MTARC2: variants seen among roughly 807,000 people sequenced by gnomAD.
MTARC2 encodes the protein MOCO sulphurase C-terminal domain containing 2.
In MTARC2, 27 loss-of-function variants were observed where a neutral mutation model predicts 35.6. That is an observed-to-expected ratio of 0.76 (90% confidence interval 0.56 to 1.04). MTARC2 has a LOEUF of 1.04. Among genes scored for constraint, MTARC2 ranks in the 50% least tolerant of loss-of-function variants. The pLI, the probability that MTARC2 is intolerant of heterozygous loss-of-function variation, is 0.00. For missense variants in MTARC2, 412 were observed against 432.5 expected (o/e 0.95, Z 0.42); for synonymous variants, 158 against 167.1 (o/e 0.95, Z 0.42).
intron 7 of MTARC2, among the ~76,000 whole-genome samples, chr1:220,782,215 C>G (rs1982895): frequency 6.6e-6 from 1 of 152,142 alleles, no homozygotes; most frequent in Non-Finnish European, 1.5e-5. Flanking sequence ...TACAGAATAT[C>G]ATTAAGGAAT....
chr1:220,770,683 C>A, intron 4 of MTARC2: 1 of 542,434 alleles, frequency 1.8e-6, no homozygotes, highest in Non-Finnish European at 2.3e-6. Context: ...CAGGCTACTG[C>A]CTTTGGGAAT....
chr1:220,769,782 A>G (rs1481090450), intron 4 of MTARC2, among the ~76,000 whole-genome samples: 1 of 150,648 alleles, frequency 6.6e-6, no homozygotes, highest in African/African-American at 2.4e-5. Flanking sequence ...GTGGTCGGTA[A>G]AGGCACTTTT....
intron 4 of MTARC2, among the ~76,000 whole-genome samples, chr1:220,778,819 G>A (rs1671989344): frequency 6.6e-6 from 1 of 152,114 alleles, no homozygotes; most frequent in African/African-American, 2.4e-5. Context: ...ATACCAGAAG[G>A]AAAGTGTCAT....
At chr1:220,770,634 G>A in intron 4 of MTARC2, 3 of 900,326 alleles carry the variant, frequency 3.3e-6, no homozygotes, top group Non-Finnish European at 4.0e-6. Flanking sequence ...GTGAGTCACT[G>A]CATGGACAAA....
intron 4 of MTARC2, among the ~76,000 whole-genome samples, chr1:220,771,296 C>CAAAA (rs57776178): frequency 0.014 from 807 of 56,988 alleles, 89 homozygotes; most frequent in African/African-American, 0.048. Context: ...GAGACTGTCT[C>CAAAA]AAAAAAAAAA....
rs1281103448 is a variant in MTARC2, at chr1:220,748,572, T to C, written c.41T>C (p.Leu14Pro). Residue 14 changes from leucine to proline, a missense_variant, in exon 1 of 8, where the codon CTC (leucine) becomes CCC (proline). Leu to Pro is a moderately conservative substitution (Grantham distance 98). Transcript: ENST00000366913. ...TCCTCCGCGCTGGCCCGCCTCGGCCTCCCAGCCCGGCCCTGGCCCAGGTGG... is the reference window on the plus strand; with the variant it reads ...TCCTCCGCGCTGGCCCGCCTCGGCCCCCCAGCCCGGCCCTGGCCCAGGTGG... ...SSSSALARLG[L>P]PARPWPRWLG... is the part of the protein sequence containing the mutation. The C allele has an allele frequency of 1.4e-6, 2 of 1,446,202 alleles. No homozygotes were observed. Among genetic ancestry groups the C allele is most frequent in the South Asian group, 1.4e-5 (1 of 72,072 alleles). The allele number at this position is 1,446,202 out of a possible 1,614,324, so 89.6% of individuals were successfully genotyped here.
intron 1 of MTARC2, 115 bp downstream of exon 1, chr1:220,748,918 C>T (rs1270869104): frequency 7.7e-7 from 1 of 1,296,006 alleles, no homozygotes; most frequent in East Asian, 3.1e-5. Context: ...ACCTGAGTTT[C>T]TGGGCTGACT....
chr1:220,770,213 A>G (rs889479669), intron 4 of MTARC2, among the ~76,000 whole-genome samples: 1 of 152,204 alleles, frequency 6.6e-6, no homozygotes, highest in Non-Finnish European at 1.5e-5. Flanking sequence ...ACAGTCACTT[A>G]AAGTCCATTT....
rs1672159965 is a variant in MTARC2, at chr1:220,784,411, C to T, written c.*524C>T. On this transcript the variant is annotated 3_prime_UTR_variant, in exon 8 of 8. Coordinates refer to ENST00000366913, the MANE Select transcript of MTARC2 (RefSeq NM_017898.5). ...TTATGTGGCCATTGAGTCCTGTTGA[C>T]TTTCCACTCATGTGCTTTTTACTCT... The T allele has an allele frequency of 6.2e-6, 1 of 162,068 alleles. No individual in the cohort carries two copies. Among genetic ancestry groups the T allele is most frequent in the Non-Finnish European group, 1.3e-5 (1 of 74,354 alleles). The allele number at this position is 162,068 out of a possible 1,614,324, so 10.0% of individuals were successfully genotyped here.
chr1:220,763,014 A>T lies in MTARC2; in HGVS notation c.714A>T (p.Pro238=), dbSNP rs1459617616. Residue 238 remains proline, a synonymous_variant, in exon 4 of 8, where the codon CCA becomes CCT. Transcript: ENST00000366913. ...EKKMKMENFR[P]NIVVTGCDAF... ...AAATGAAAATGGAGAATTTCAGGCC[A>T]AATATTGTGGTGACCGGCTGTGATG... 6.2e-7 allele frequency: 1 copy of T among 1,614,138 alleles called. No homozygotes were observed.
At chr1:220,754,452 G>T (rs895305235) in intron 1 of MTARC2, 3 of 456,188 alleles carry the variant, frequency 6.6e-6, no homozygotes, top group African/African-American at 6.0e-5. Flanking sequence ...ACAGAGCAGA[G>T]GCTGGCCTGG....
chr1:220,754,283 A>G, intron 1 of MTARC2: 1 of 455,848 alleles, frequency 2.2e-6, no homozygotes, highest in Non-Finnish European at 4.4e-6. Flanking sequence ...TAAGAAAACC[A>G]AGTCCAGTAC....
chr1:220,754,136 GA>G (rs1437249589), intron 1 of MTARC2, among the ~76,000 whole-genome samples: 1 of 152,190 alleles, frequency 6.6e-6, no homozygotes, highest in Non-Finnish European at 1.5e-5. Context: ...AGGAGTGGAA[GA>G]TTTTTTTCTT....
intron 1 of MTARC2, among the ~76,000 whole-genome samples, chr1:220,749,427 CTTTTTTTTTTT>C (rs60380640): frequency 1.0e-5 from 1 of 98,708 alleles, no homozygotes. Flanking sequence ...ATGCCTTCTT[CTTTTTTTTTTT>C]TTTTTTTTTT....
At chr1:220,765,053 A>G (rs419746) in intron 4 of MTARC2, among the ~76,000 whole-genome samples, 7,532 of 152,270 alleles carry the variant, frequency 0.049, 492 homozygotes, top group African/African-American at 0.15. Flanking sequence ...CACTTAGAAG[A>G]TACCAGAGAT....
chr1:220,754,726 C>T lies in MTARC2; in HGVS notation c.273-221C>T, dbSNP rs1671228530. On this transcript the variant is annotated intron_variant, in intron 1 of 7. Transcript: ENST00000366913. ...AAACTGGAGATTGCCATACATCAGCCAGACACTCTCCCAGAACTGTTTCCG... is the reference window on the plus strand; with the variant it reads ...AAACTGGAGATTGCCATACATCAGCTAGACACTCTCCCAGAACTGTTTCCG... Among the ~76,000 whole-genome samples, 3 of 152,212 alleles carry T rather than the reference C, an allele frequency of 2.0e-5. No homozygotes were observed. In the South Asian group the frequency reaches 6.2e-4, roughly 31 times the overall value.
At chr1:220,774,512 A>G (rs1360428266) in intron 4 of MTARC2, among the ~76,000 whole-genome samples, 3 of 152,222 alleles carry the variant, frequency 2.0e-5, no homozygotes, top group Non-Finnish European at 4.4e-5. Context: ...ACAACACAAT[A>G]TTATAAACAC....
At chr1:220,763,188 T>TGC in intron 4 of MTARC2, 138 bp downstream of exon 4, 1 of 1,248,734 alleles carries the variant, frequency 8.0e-7, no homozygotes, top group Non-Finnish European at 1.1e-6. Context: ...CACTCATTGC[T>TGC]TGCGGAGTTG....
intron 1 of MTARC2, among the ~76,000 whole-genome samples, chr1:220,753,577 C>T (rs1671191904): frequency 6.6e-6 from 1 of 152,190 alleles, no homozygotes; most frequent in Non-Finnish European, 1.5e-5. Flanking sequence ...CAGCCTTTCC[C>T]TGATGGCTCT....
Sources: allele counts gnomAD v4.1 joint callset (sites outside exome capture counted in the v4.1 genomes callset), GRCh38; gene constraint gnomAD v4.1.1; transcripts MANE v1.5; gene names NCBI Gene and HGNC (gene_info 2026-07-23, HGNC 2026-07-21).